Variants in MON2 observed in about 807,000 individuals in gnomAD.
The protein encoded by MON2 is MON2 regulator of endosome-to-Golgi trafficking.
In MON2, 84 loss-of-function variants were observed where a neutral mutation model predicts 208.6. That is an observed-to-expected ratio of 0.40 (90% CI 0.34 to 0.48). The LOEUF is 0.48. Among genes scored for constraint, MON2 ranks in the 20% least tolerant of loss-of-function variants. MON2 has a pLI of 0.59. For synonymous variants in MON2, 660 were observed against 694.0 expected (o/e 0.95, Z 0.77); for missense variants, 1,611 against 2,015.4 (o/e 0.80, Z 3.84).
intron 7 of MON2, among the ~76,000 whole-genome samples, chr12:62,505,357 A>G (rs995235710): frequency 2.0e-5 from 3 of 152,210 alleles, no homozygotes; most frequent in African/African-American, 4.8e-5. Flanking sequence ...CTAATTGAAG[A>G]TATGGGAGTG....
At chr12:62,544,861 A>T in intron 20 of MON2, 37 bp from the exon 21 acceptor site, 1 of 1,588,152 alleles carries the variant, frequency 6.3e-7, no homozygotes, top group Non-Finnish European at 8.6e-7. Context: ...TTCATAGCTT[A>T]AGTATACAAA....
At chr12:62,529,564 A>G (rs1240983667) in intron 11 of MON2, among the ~76,000 whole-genome samples, 1 of 152,038 alleles carries the variant, frequency 6.6e-6, no homozygotes, top group African/African-American at 2.4e-5. Flanking sequence ...TACTTTTGAG[A>G]TAATTCATAT....
chr12:62,499,141 T>TAGACA, intron 5 of MON2, 93 bp downstream of exon 5: 2 of 1,315,536 alleles, frequency 1.5e-6, no homozygotes, highest in Non-Finnish European at 2.1e-6. Context: ...ATCAACATTA[T>TAGACA]TATGTCTATA....
intron 8 of MON2, among the ~76,000 whole-genome samples, chr12:62,523,188 T>G (rs2072151745): frequency 3.3e-5 from 5 of 152,198 alleles, no homozygotes; most frequent in Admixed American, 3.3e-4. Flanking sequence ...GCATGGGTCT[T>G]TCTTTCTCAG....
At chr12:62,493,358 T>C (rs943530543) in intron 2 of MON2, among the ~76,000 whole-genome samples, 1 of 152,202 alleles carries the variant, frequency 6.6e-6, no homozygotes, top group Non-Finnish European at 1.5e-5. Flanking sequence ...ACCCAATTAA[T>C]TTAAAGTGCT....
chr12:62,501,821 C>A, intron 7 of MON2, 123 bp downstream of exon 7: 4 of 1,046,072 alleles, frequency 3.8e-6, no homozygotes, highest in South Asian at 1.5e-5. Context: ...GTTGGTGGTT[C>A]ATGCCTGTAA....
chr12:62,565,093 G>A (rs1344989358), intron 26 of MON2, 144 bp from the exon 27 acceptor site: 2 of 723,682 alleles, frequency 2.8e-6, no homozygotes, highest in Non-Finnish European at 4.5e-6. Context: ...AAAATAGTTT[G>A]TGTCCTTTAG....
chr12:62,567,253 C>T (rs755512600), intron 29 of MON2, among the ~76,000 whole-genome samples: 1 of 152,152 alleles, frequency 6.6e-6, no homozygotes, highest in Admixed American at 6.5e-5. Flanking sequence ...CTATCCCAAC[C>T]TTTCTTCATT....
chr12:62,543,636 C>G (rs527443816), intron 20 of MON2, among the ~76,000 whole-genome samples: 1 of 151,644 alleles, frequency 6.6e-6, no homozygotes, highest in Non-Finnish European at 1.5e-5. Flanking sequence ...GAGACGGAAT[C>G]TAACTCCGTC....
At chr12:62,550,642 A>G (rs2073697977) in intron 23 of MON2, among the ~76,000 whole-genome samples, 1 of 152,220 alleles carries the variant, frequency 6.6e-6, no homozygotes, top group Admixed American at 6.5e-5. Flanking sequence ...CAGGTTCTAC[A>G]TCAGCACTTG....
chr12:62,528,955 G>T (rs903827474), intron 11 of MON2, among the ~76,000 whole-genome samples: 8 of 152,066 alleles, frequency 5.3e-5, no homozygotes, highest in African/African-American at 1.9e-4. Flanking sequence ...TCATCACCCA[G>T]ATGTTAACCC....
intron 8 of MON2, among the ~76,000 whole-genome samples, chr12:62,512,820 G>A (rs572936434): frequency 6.6e-6 from 1 of 152,320 alleles, no homozygotes; most frequent in African/African-American, 2.4e-5. Context: ...TTCTGCCTGG[G>A]CATCCAGATG....
intron 30 of MON2, among the ~76,000 whole-genome samples, chr12:62,572,498 T>G (rs1592434507): frequency 6.6e-6 from 1 of 152,210 alleles, no homozygotes; most frequent in African/African-American, 2.4e-5. Flanking sequence ...CAGACCCAAG[T>G]GCAGCAGTGT....
intron 27 of MON2, 77 bp from the exon 28 acceptor site, chr12:62,565,937 T>C (rs2074368033): frequency 1.5e-6 from 2 of 1,302,256 alleles, no homozygotes; most frequent in Admixed American, 2.3e-5. Context: ...TATAATTTTA[T>C]ATCGTCCGAA....
chr12:62,484,294 A>C (rs767167938), intron 2 of MON2, 61 bp downstream of exon 2: 17 of 1,071,156 alleles, frequency 1.6e-5, no homozygotes, highest in Middle Eastern at 6.0e-4. Context: ...TAAAAGTAGA[A>C]TCTTTATTGT....
chr12:62,531,240 A>G (rs966813467), intron 11 of MON2, among the ~76,000 whole-genome samples: 9 of 151,878 alleles, frequency 5.9e-5, no homozygotes, highest in Non-Finnish European at 1.2e-4. Context: ...TAATTTATCA[A>G]TTTTTTCCTT....
rs188746766 is a variant in MON2 at position 62,584,775 on chromosome 12, C to T, written c.4700-519C>T. On this transcript the variant is annotated intron_variant, in intron 32 of 34. Coordinates refer to ENST00000393630, the MANE Select transcript of MON2 (RefSeq NM_015026.3). ...TAACTTGAGAGAATGGAAACAATTT[C>T]CAGAGTGATGGCAAAGACTAGTTTC... Among the ~76,000 whole-genome samples the T allele has an allele frequency of 5.3e-5, 8 of 149,656 alleles. No homozygotes were observed. In the East Asian group the frequency reaches 1.6e-3, roughly 29 times the overall value.
In MON2 at chr12:62,597,623, C is replaced by T. The variant is rs944005106; in HGVS notation, c.*4874C>T. 2 of 152,172 alleles carry T rather than the reference C, an allele frequency of 1.3e-5. No homozygotes were observed. Among genetic ancestry groups the T allele is most frequent in the African/African-American group, 4.8e-5 (2 of 41,428 alleles). The allele number at this position is 152,172 out of a possible 1,614,324, so 9.4% of individuals were successfully genotyped here. ...TTTATGAATACACGGGATTCAGCAGCCAAGATGCTCACAAAATGGGATTGC... is the reference window on the plus strand; with the variant it reads ...TTTATGAATACACGGGATTCAGCAGTCAAGATGCTCACAAAATGGGATTGC... On this transcript the variant is annotated 3_prime_UTR_variant, in exon 35 of 35. Coordinates refer to ENST00000393630, the MANE Select transcript of MON2 (RefSeq NM_015026.3).
At chr12:62,511,707 G>A (rs2071407338) in intron 8 of MON2, among the ~76,000 whole-genome samples, 1 of 152,182 alleles carries the variant, frequency 6.6e-6, no homozygotes, top group Non-Finnish European at 1.5e-5. Flanking sequence ...ATTTCACAGT[G>A]ATTTCCTGAC....
Sources: gnomAD v4.1 joint callset for allele counts (sites outside exome capture counted in the v4.1 genomes callset) on GRCh38, gnomAD v4.1.1 for gene constraint, MANE v1.5 for transcripts, NCBI Gene and HGNC (gene_info 2026-07-23, HGNC 2026-07-21) for gene names.